Variants in CLCA2 observed in about 807,000 individuals in gnomAD.
CLCA2 encodes the protein chloride channel accessory 2.
Under a neutral mutation model 82.9 loss-of-function variants are expected in CLCA2, and 85 were observed. The observed-to-expected ratio is 1.03, with a 90% CI of 0.86 to 1.23. CLCA2 has a LOEUF of 1.23. CLCA2 is among the 50% of genes most tolerant of loss of function. The pLI is 0.00. For missense variants in CLCA2, 1,089 were observed against 1,124.8 expected (o/e 0.97, Z 0.45); for synonymous variants, 421 against 391.7 (o/e 1.07, Z -0.88).
At chr1:86,446,387 A>T (rs975383755) in intron 10 of CLCA2, among the ~76,000 whole-genome samples, 1 of 151,496 alleles carries the variant, frequency 6.6e-6, no homozygotes, top group South Asian at 2.1e-4. Context: ...TGTTCTTTTC[A>T]CACCTGTGTA....
intron 4 of CLCA2, among the ~76,000 whole-genome samples, chr1:86,431,691 A>G (rs569321112): frequency 5.3e-5 from 8 of 152,280 alleles, no homozygotes; most frequent in Admixed American, 4.6e-4. Flanking sequence ...CCTGATACCA[A>G]GTGGAAATGA....
intron 5 of CLCA2, 111 bp downstream of exon 5, chr1:86,432,639 A>G: frequency 8.0e-7 from 1 of 1,248,672 alleles, no homozygotes; most frequent in Non-Finnish European, 1.1e-6. Flanking sequence ...AACTTGGGGG[A>G]CCCTAGAGTT....
At chr1:86,436,240 G>A (rs1000000026) in intron 6 of CLCA2, among the ~76,000 whole-genome samples, 2 of 152,126 alleles carry the variant, frequency 1.3e-5, no homozygotes, top group African/African-American at 4.8e-5. Flanking sequence ...CATCCCAACT[G>A]TGCACTCAGT....
chr1:86,431,906 GT>G, intron 4 of CLCA2, among the ~76,000 whole-genome samples: 1 of 152,234 alleles, frequency 6.6e-6, no homozygotes, highest in East Asian at 1.9e-4. Flanking sequence ...TAATGAAGCA[GT>G]TTTTTGTTTG....
At position 86,450,644 on chromosome 1, in the gene CLCA2, T is replaced by C; in HGVS notation, c.2066T>C (p.Val689Ala). The C allele has an allele frequency of 1.2e-6, 2 of 1,613,618 alleles. No homozygotes were observed. The highest frequency in any genetic ancestry group is 1.7e-6 in the Non-Finnish European group (2 of 1,179,712). ...GCAAATGGTAGATATAGCTTGAAAG[T>C]GCATGTCAATCACTCTCCCAGCATA... ...FAANGRYSLKVHVNHSPSIST... is the reference protein window; with the variant it reads ...FAANGRYSLKAHVNHSPSIST... The change falls in exon 12 of 14, where the codon GTG becomes GCG. Residue 689 changes from valine to alanine, a missense_variant. By Grantham distance (64) the Val-to-Ala change is moderately conservative. Coordinates refer to ENST00000370565, the MANE Select transcript of CLCA2 (RefSeq NM_006536.7).
At position 86,453,422 on chromosome 1, in the gene CLCA2, C is replaced by A. The variant is rs752431019; in HGVS notation, c.2209C>A (p.Arg737=). ...RKSVGRNEEE[R]KWGFSRVSSG... ...ATCAGTAGGCAGAAATGAGGAGGAGCGAAAGTGGGGCTTTAGCCGAGTCAG... is the reference window on the plus strand; with the variant it reads ...ATCAGTAGGCAGAAATGAGGAGGAGAGAAAGTGGGGCTTTAGCCGAGTCAG... Residue 737 remains arginine, a synonymous_variant, in exon 13 of 14, where the codon CGA becomes AGA. Coordinates refer to ENST00000370565, the MANE Select transcript of CLCA2 (RefSeq NM_006536.7). The A allele has an allele frequency of 3.7e-6, 6 of 1,613,810 alleles. No homozygotes were observed. Among genetic ancestry groups the A allele is most frequent in the African/African-American group, 1.3e-5 (1 of 74,826 alleles).
intron 11 of CLCA2, among the ~76,000 whole-genome samples, chr1:86,449,324 T>G (rs2101710695): frequency 6.6e-6 from 1 of 152,344 alleles, no homozygotes; most frequent in Admixed American, 6.5e-5. Flanking sequence ...TGAAGCCTCA[T>G]AGCTACTAAG....
In CLCA2 at chr1:86,455,307, G is replaced by A. The variant is rs529497010; in HGVS notation, c.2612G>A (p.Arg871Lys). The change falls in exon 14 of 14, where the codon AGG (arginine) becomes AAG (lysine). Residue 871 changes from arginine (R) to lysine (K), a missense_variant. Coordinates refer to ENST00000370565, the MANE Select transcript of CLCA2 (RefSeq NM_006536.7). ...RIYVAIRAMD[R>K]NSLQSAVSNI... ...TATGTTGCAATACGAGCAATGGATA[G>A]GAACTCCTTACAGTCTGCTGTATCT... 6.2e-7 allele frequency: 1 copy of A among 1,613,934 alleles called. No individual in the cohort carries two copies. The highest frequency in any genetic ancestry group is 1.3e-5 in the African/African-American group (1 of 74,924).
rs1262395195 is a variant in CLCA2, at chr1:86,434,653, A to T, written c.880A>T (p.Thr294Ser). 1 of 1,613,984 alleles carries T rather than the reference A, an allele frequency of 6.2e-7. No individual in the cohort carries two copies. Among genetic ancestry groups the T allele is most frequent in the East Asian group, 2.2e-5 (1 of 44,894 alleles). Residue 294 changes from threonine to serine, a missense_variant, in exon 6 of 14, where the codon ACT becomes TCT. Thr to Ser is a moderately conservative substitution (Grantham distance 58). Transcript: ENST00000370565. Reference sequence around the variant, plus strand: ...TCACCACAGCTTTCCCATGAATGGGACTGAGCTTCCACCTCCTCCCACATT... The same window carrying T: ...TCACCACAGCTTTCCCATGAATGGGTCTGAGCTTCCACCTCCTCCCACATT... ...DFHHSFPMNG[T>S]ELPPPPTFSL...
In CLCA2 at chr1:86,455,517, A is replaced by T; in HGVS notation, c.2822A>T (p.Lys941Ile). 6.8e-7 allele frequency: 1 copy of T among 1,470,970 alleles called. No individual in the cohort carries two copies. The highest frequency in any genetic ancestry group is 9.0e-7 in the Non-Finnish European group (1 of 1,111,064). The allele number at this position is 1,470,970 out of a possible 1,614,324, so 91.1% of individuals were successfully genotyped here. The stretch of plus-strand genomic sequence containing the variant: ...GCAGACAAGAAAGAGAATGGAACAA[A>T]ATTATTATAAATAAATATCCAAAGT... Reference protein sequence around the residue: ...KRADKKENGTKLL With the variant: ...KRADKKENGTILL Residue 941 changes from lysine (K) to isoleucine (I), a missense_variant, in exon 14 of 14, where the codon AAA (lysine) becomes ATA (isoleucine). Lys to Ile is a moderately radical substitution (Grantham distance 102). Coordinates refer to ENST00000370565, the MANE Select transcript of CLCA2 (RefSeq NM_006536.7).
intron 6 of CLCA2, among the ~76,000 whole-genome samples, chr1:86,437,905 A>T (rs913184833): frequency 1.5e-4 from 23 of 152,336 alleles, no homozygotes; most frequent in South Asian, 4.2e-4. Context: ...GCTAAAAAAA[A>T]AAAGTAATTT....
chr1:86,439,285 C>T (rs114535791), intron 7 of CLCA2, among the ~76,000 whole-genome samples, 179 bp downstream of exon 7: 661 of 152,296 alleles, frequency 4.3e-3, no homozygotes, highest in Non-Finnish European at 7.8e-3. Context: ...CATTGTACTC[C>T]TTGTGCCTAG....
chr1:86,445,717 A>C (rs1662839839), intron 10 of CLCA2, among the ~76,000 whole-genome samples: 2 of 152,226 alleles, frequency 1.3e-5, no homozygotes, highest in South Asian at 2.1e-4. Context: ...AATAGTACAG[A>C]GCATGTAAGA....
chr1:86,425,443 T>C lies in CLCA2; in HGVS notation c.291T>C (p.Asn97=), dbSNP rs752007799. The C allele has an allele frequency of 1.2e-5, 19 of 1,565,652 alleles. No individual in the cohort carries two copies. The highest frequency in any genetic ancestry group is 1.6e-5 in the Non-Finnish European group (19 of 1,154,478). ...ILIPATWKAN[N]NSKIKQESYE... Reference sequence around the variant, plus strand: ...TACCTGCCACATGGAAAGCTAATAATAACAGCAAAATAAAACAAGAATCAT... The same window carrying C: ...TACCTGCCACATGGAAAGCTAATAACAACAGCAAAATAAAACAAGAATCAT... The change falls in exon 2 of 14, where the codon AAT becomes AAC. Residue 97 remains asparagine, a synonymous_variant. Coordinates refer to ENST00000370565, the MANE Select transcript of CLCA2 (RefSeq NM_006536.7).
intron 3 of CLCA2, among the ~76,000 whole-genome samples, chr1:86,430,120 G>T (rs1351119577): frequency 2.6e-5 from 4 of 152,054 alleles, no homozygotes; most frequent in African/African-American, 7.2e-5. Context: ...AAAGAAATGT[G>T]TGCTTTGGGA....
At position 86,453,512 on chromosome 1, in the gene CLCA2, T is replaced by C. The variant is rs762570043; in HGVS notation, c.2299T>C (p.Cys767Arg). The C allele has an allele frequency of 1.2e-6, 2 of 1,614,180 alleles. No homozygotes were observed. Among genetic ancestry groups the C allele is most frequent in the Non-Finnish European group, 1.7e-6 (2 of 1,180,016 alleles). ...AGPHPDVFPP[C>R]KIIDLEAVKV... Reference sequence around the variant, plus strand: ...CCCCCACCCTGATGTGTTTCCACCATGCAAAATTATTGACCTGGAAGCTGT... The same window carrying C: ...CCCCCACCCTGATGTGTTTCCACCACGCAAAATTATTGACCTGGAAGCTGT... The change falls in exon 13 of 14, where the codon TGC (cysteine) becomes CGC (arginine). Residue 767 changes from cysteine (C) to arginine (R), a missense_variant. Transcript: ENST00000370565.
In CLCA2 at chr1:86,455,338, T is replaced by C. The variant is rs770617594; in HGVS notation, c.2643T>C (p.Ile881=). Residue 881 remains isoleucine, a synonymous_variant, in exon 14 of 14, where the codon ATT becomes ATC. Coordinates refer to ENST00000370565, the MANE Select transcript of CLCA2 (RefSeq NM_006536.7). ...CCTTACAGTCTGCTGTATCTAACAT[T>C]GCCCAGGCGCCTCTGTTTATTCCCC... ...RNSLQSAVSN[I]AQAPLFIPPN... is the part of the protein sequence containing the mutation. 9.9e-6 allele frequency: 16 copies of C among 1,612,596 alleles called. No individual in the cohort carries two copies. Among genetic ancestry groups the C allele is most frequent in the East Asian group, 4.5e-5 (2 of 44,840 alleles).
At chr1:86,448,083 T>A in intron 11 of CLCA2, 1 of 354,164 alleles carries the variant, frequency 2.8e-6, no homozygotes. Context: ...TTCTATGTCC[T>A]TATGACATAC....
At position 86,453,467 on chromosome 1, in the gene CLCA2, G is replaced by A; in HGVS notation, c.2254G>A (p.Val752Met). 6.2e-7 allele frequency: 1 copy of A among 1,614,146 alleles called. No homozygotes were observed. Among genetic ancestry groups the A allele is most frequent in the Non-Finnish European group, 8.5e-7 (1 of 1,180,018 alleles). The change falls in exon 13 of 14, where the codon GTG becomes ATG. Residue 752 changes from valine (V) to methionine (M), a missense_variant. Physicochemically the swap from Val to Met is conservative, Grantham distance 21. Coordinates refer to ENST00000370565, the MANE Select transcript of CLCA2 (RefSeq NM_006536.7). ...SRVSSGGSFS[V>M]LGVPAGPHPD... ...AGTCAGCTCAGGAGGCTCCTTTTCA[G>A]TGCTGGGAGTTCCAGCTGGCCCCCA...
Sources: allele counts gnomAD v4.1 joint callset (sites outside exome capture counted in the v4.1 genomes callset), GRCh38; gene constraint gnomAD v4.1.1; transcripts MANE v1.5; gene names NCBI Gene and HGNC (gene_info 2026-07-23, HGNC 2026-07-21).